CELSR1: variants seen among roughly 807,000 people sequenced by gnomAD.
CELSR1 encodes the protein adhesion G protein-coupled receptor C1.
A neutral mutation model predicts 249.1 loss-of-function variants in CELSR1; 110 were observed. The observed-to-expected ratio is 0.44, with a 90% CI of 0.38 to 0.52. The LOEUF is 0.52. CELSR1 is among the 20% of genes least tolerant of loss of function. The pLI is 0.00. For missense variants in CELSR1, 4,109 were observed against 4,296.4 expected (o/e 0.96, Z 1.22); for synonymous variants, 2,113 against 1,900.0 (o/e 1.11, Z -2.92).
At chr22:46,431,811 C>T (rs763316114) in intron 5 of CELSR1, among the ~76,000 whole-genome samples, 15 of 152,202 alleles carry the variant, frequency 9.9e-5, no homozygotes, top group South Asian at 2.1e-4. Context: ...CAAATAAATC[C>T]GCGTCTGTGA....
At chr22:46,519,417 A>C (rs771065837) in intron 1 of CELSR1, among the ~76,000 whole-genome samples, 6 of 152,254 alleles carry the variant, frequency 3.9e-5, no homozygotes, top group Non-Finnish European at 5.9e-5. Context: ...AGGCTTGGTC[A>C]TGAAGAGAGG....
At position 46,374,839 on chromosome 22, in the gene CELSR1, C is replaced by A. The variant is rs1401942461; in HGVS notation, c.7585-1782G>T. On this transcript the variant is annotated intron_variant, in intron 24 of 34. Coordinates refer to ENST00000674500, the MANE Select transcript of CELSR1 (RefSeq NM_001378328.1). The surrounding 1 kb of genome is among the most constrained non-coding windows in gnomAD (Gnocchi z 4.3). ...CGGCTGCGGATGTGAAGAAACCCCTCCGCAGGAGCAGCGACCCTGCCATAT... is the reference window on the plus strand; with the variant it reads ...CGGCTGCGGATGTGAAGAAACCCCTACGCAGGAGCAGCGACCCTGCCATAT... 6.6e-6 allele frequency among the ~76,000 whole-genome samples: 1 copy of A among 152,188 alleles called. No individual in the cohort carries two copies. Among genetic ancestry groups the A allele is most frequent in the Non-Finnish European group, 1.5e-5 (1 of 68,048 alleles).
chr22:46,525,305 CG>C (rs940470918), intron 1 of CELSR1, among the ~76,000 whole-genome samples: 19 of 152,214 alleles, frequency 1.2e-4, no homozygotes, highest in African/African-American at 4.6e-4. Flanking sequence ...CAAAATTAGC[CG>C]GGTGTGGTGG....
At position 46,407,467 on chromosome 22, in the gene CELSR1, T is replaced by TAA. The variant is rs1477663458; in HGVS notation, c.5226+1527_5226+1528dup. Among the ~76,000 whole-genome samples, 4 of 152,096 alleles carry TAA rather than the reference T, an allele frequency of 2.6e-5. No individual in the cohort carries two copies. The highest frequency in any genetic ancestry group is 9.7e-5 in the African/African-American group (4 of 41,406). ...CAACATAGCAAAACCCTGTCTCTACTAAAAATACAGCAAATTTAGCCAGGT... is the reference window on the plus strand; with the variant it reads ...CAACATAGCAAAACCCTGTCTCTACTAAAAAAATACAGCAAATTTAGCCAGGT... On this transcript the variant is annotated intron_variant, in intron 9 of 34. Coordinates refer to ENST00000674500, the MANE Select transcript of CELSR1 (RefSeq NM_001378328.1). This position sits in a 1 kb window ranked among gnomAD's most constrained non-coding sequence, Gnocchi z 4.8.
At chr22:46,530,955 C>A (rs904400120) in intron 1 of CELSR1, among the ~76,000 whole-genome samples, 2 of 152,208 alleles carry the variant, frequency 1.3e-5, no homozygotes, top group Admixed American at 1.3e-4. Context: ...GGCTGTAAAT[C>A]CTGGGGAAGC....
chr22:46,455,629 C>A (rs1021758171), intron 2 of CELSR1, among the ~76,000 whole-genome samples: 3 of 152,186 alleles, frequency 2.0e-5, no homozygotes, highest in African/African-American at 7.2e-5. Context: ...TCGTCTTCAG[C>A]CACTCAGTTT....
chr22:46,367,051 A>G lies in CELSR1; in HGVS notation c.8147T>C (p.Leu2716Pro). 6.2e-7 allele frequency: 1 copy of G among 1,611,232 alleles called. No homozygotes were observed. Among genetic ancestry groups the G allele is most frequent in the Non-Finnish European group, 8.5e-7 (1 of 1,179,640 alleles). ...QEVRKHLKGV[L>P]GGRKLHLEDS... is the part of the protein sequence containing the mutation. ...CTCCAGGTGCAGCTTCCTCCCGCCG[A>G]GCACGCCCTTCAGGTGCTTCCGGAC... The change falls in exon 29 of 35, where the codon CTC (leucine) becomes CCC (proline). Residue 2716 changes from leucine to proline, a missense_variant. This residue lies in a region of CELSR1 where 1,805 missense variants were observed against 1,831.6 expected (regional missense o/e 0.99). Transcript: ENST00000674500.
At position 46,536,793 on chromosome 22, in the gene CELSR1, CCGGGCACCGGTTCCGCAGAGCCGGGCA is replaced by C. The variant is rs1479481270; in HGVS notation, c.351_377del (p.Ala118_Arg126del). ...CGGGGAAGCAGAGCGCCCCGCAGAGCCGGGCACCGGTTCCGCAGAGCCGGGCACGGGCTCCGCAGCCGGGAAGGTGCG... is the reference window on the plus strand; with the variant it reads ...CGGGGAAGCAGAGCGCCCCGCAGAGCCGGGCTCCGCAGCCGGGAAGGTGCG... On this transcript the variant is annotated inframe_deletion, in exon 1 of 35. Coordinates refer to ENST00000674500, the MANE Select transcript of CELSR1 (RefSeq NM_001378328.1). 7.3e-5 allele frequency: 87 copies of C among 1,193,916 alleles called. No individual in the cohort carries two copies. Among genetic ancestry groups the C allele is most frequent in the Non-Finnish European group, 8.5e-5 (82 of 965,472 alleles). The allele number at this position is 1,193,916 out of a possible 1,614,324, so 74.0% of individuals were successfully genotyped here. A position where few individuals can be genotyped will look rare whatever the true frequency, so the allele number is the denominator to read the frequency against.
rs1236535362 is a variant in CELSR1, at chr22:46,518,487, T to C, written c.3544+15140A>G. Among the ~76,000 whole-genome samples, 2 of 152,166 alleles carry C rather than the reference T, an allele frequency of 1.3e-5. No homozygotes were observed. Among genetic ancestry groups the C allele is most frequent in the Non-Finnish European group, 2.9e-5 (2 of 68,032 alleles). On this transcript the variant is annotated intron_variant, in intron 1 of 34. Transcript: ENST00000674500. The surrounding 1 kb of genome is among the most constrained non-coding windows in gnomAD (Gnocchi z 5.2). ...GAGAAGGGAGGCCTCGGTTATCTGATTTAACACGAAGAAACCAGTCACACA... is the reference window on the plus strand; with the variant it reads ...GAGAAGGGAGGCCTCGGTTATCTGACTTAACACGAAGAAACCAGTCACACA...
At chr22:46,489,755 C>T (rs545422913) in intron 1 of CELSR1, among the ~76,000 whole-genome samples, 5 of 151,908 alleles carry the variant, frequency 3.3e-5, no homozygotes, top group South Asian at 4.2e-4. Context: ...TCTAGCGGGG[C>T]GTGGTGGTGC....
chr22:46,385,265 A>G (rs948814488), intron 19 of CELSR1, among the ~76,000 whole-genome samples: 4 of 151,804 alleles, frequency 2.6e-5, no homozygotes, highest in African/African-American at 9.7e-5. Context: ...GCTAATTTTT[A>G]TTTTTTATTT....
chr22:46,487,315 G>GTATAATAT (rs1371728055), intron 1 of CELSR1, among the ~76,000 whole-genome samples: 1 of 151,380 alleles, frequency 6.6e-6, no homozygotes, highest in African/African-American at 2.4e-5. Context: ...AAACTATTTG[G>GTATAATAT]TATAATATCT....
In CELSR1 at chr22:46,485,285, C is replaced by T. The variant is rs1022021717; in HGVS notation, c.3545-20940G>A. Among the ~76,000 whole-genome samples the T allele has an allele frequency of 8.5e-5, 13 of 152,258 alleles. 1 individual carries two copies. Among genetic ancestry groups the T allele is most frequent in the African/African-American group, 3.1e-4 (13 of 41,562 alleles). ...ATTCAAAGACTAGAACAAAAACTCT[C>T]ACCTCACATTGGGTTCTGCTGGAAG... On this transcript the variant is annotated intron_variant, in intron 1 of 34. Coordinates refer to ENST00000674500, the MANE Select transcript of CELSR1 (RefSeq NM_001378328.1).
chr22:46,449,599 T>C (rs558687919), intron 2 of CELSR1, among the ~76,000 whole-genome samples: 1 of 152,266 alleles, frequency 6.6e-6, no homozygotes, highest in South Asian at 2.1e-4. Context: ...CTTTAGGCAG[T>C]GGGGTTATAA....
At position 46,471,684 on chromosome 22, in the gene CELSR1, G is replaced by A. The variant is rs544490788; in HGVS notation, c.3545-7339C>T. ...GTGCTGGGATTCACGGGTGTGAGCC[G>A]CTGCCCCTGGCCTCAGCATTTGTCA... On this transcript the variant is annotated intron_variant, in intron 1 of 34. Transcript: ENST00000674500. The surrounding 1 kb of genome is among the most constrained non-coding windows in gnomAD (Gnocchi z 4.9). Among the ~76,000 whole-genome samples the A allele has an allele frequency of 1.3e-5, 2 of 152,108 alleles. No individual in the cohort carries two copies. Among genetic ancestry groups the A allele is most frequent in the African/African-American group, 2.4e-5 (1 of 41,402 alleles).
intron 30 of CELSR1, among the ~76,000 whole-genome samples, chr22:46,366,134 C>T (rs1313058545): frequency 1.1e-4 from 1 of 8,886 alleles, no homozygotes. Context: ...GAAGGTTGCA[C>T]GGGAAAAGGT....
intron 1 of CELSR1, among the ~76,000 whole-genome samples, chr22:46,470,008 A>T (rs1555925246): frequency 2.3e-5 from 1 of 43,246 alleles, no homozygotes; most frequent in Non-Finnish European, 4.4e-5. Flanking sequence ...GGGAGAGGCA[A>T]AGGGGCCAGA....
chr22:46,533,749 G>T lies in CELSR1; in HGVS notation c.3422C>A (p.Thr1141Asn), dbSNP rs1182491217. Residue 1141 changes from threonine to asparagine, a missense_variant, in exon 1 of 35, where the codon ACC becomes AAC. Around this residue, in one of 7 missense-constraint regions of CELSR1, gnomAD observed 886 missense variants for 896.5 expected, o/e 0.99. Coordinates refer to ENST00000674500, the MANE Select transcript of CELSR1 (RefSeq NM_001378328.1). ...GCGCAGCTCGTTGCCCTGCACGAAG[G>T]TGTAGTTGAGGCTGTCTGACACGTC... ...DPDVSDSLNY[T>N]FVQGNELRLL... 1.2e-6 allele frequency: 2 copies of T among 1,613,456 alleles called. No homozygotes were observed. Among genetic ancestry groups the T allele is most frequent in the Admixed American group, 3.3e-5 (2 of 60,034 alleles).
chr22:46,422,683 T>C (rs868751143), intron 5 of CELSR1, among the ~76,000 whole-genome samples: 192 of 150,316 alleles, frequency 1.3e-3, no homozygotes, highest in African/African-American at 2.3e-3. Flanking sequence ...AGGAGAATGG[T>C]GTGAACCCAG....
Sources: gnomAD v4.1 joint callset for allele counts (sites outside exome capture counted in the v4.1 genomes callset) on GRCh38, gnomAD v4.1.1 for gene constraint, gnomAD v4.1.1 regional missense constraint, Gnocchi (gnomAD v3.1) non-coding constraint, MANE v1.5 for transcripts, NCBI Gene and HGNC (gene_info 2026-07-23, HGNC 2026-07-21) for gene names.